The following SLC14A2 variants were observed in gnomAD, a reference collection of about 807,000 sequenced individuals.
SLC14A2 encodes solute carrier family 14 member 2, also known as urea transporter 2.
Under a neutral mutation model 104.6 loss-of-function variants are expected in SLC14A2, and 91 were observed. That is an observed-to-expected ratio of 0.87 (90% confidence interval 0.73 to 1.04). The LOEUF (loss-of-function observed/expected upper bound fraction) is 1.04, where lower values mean the gene tolerates loss of function less well. SLC14A2 is among the 50% of genes least tolerant of loss of function. The pLI, the probability that SLC14A2 is intolerant of heterozygous loss-of-function variation, is 0.00. For synonymous variants in SLC14A2, 476 were observed against 466.4 expected (o/e 1.02, Z -0.27); for missense variants, 1,189 against 1,156.0 (o/e 1.03, Z -0.41).
intron 1 of SLC14A2, among the ~76,000 whole-genome samples, chr18:45,432,621 C>G (rs1269976120): frequency 1.5e-4 from 23 of 152,150 alleles, no homozygotes; most frequent in Admixed American, 1.5e-3. Context: ...TCACACCCAG[C>G]CACTAATTTT....
chr18:45,270,608 A>G (rs1370180181), intron 1 of SLC14A2, among the ~76,000 whole-genome samples: 1 of 152,120 alleles, frequency 6.6e-6, no homozygotes, highest in Non-Finnish European at 1.5e-5. Flanking sequence ...TTCCTGCAAT[A>G]AGCTGTTAGC....
chr18:45,291,773 A>T (rs1006069233), intron 1 of SLC14A2, among the ~76,000 whole-genome samples: 50 of 150,394 alleles, frequency 3.3e-4, no homozygotes, highest in Middle Eastern at 3.4e-3. Flanking sequence ...CATAGGAGTC[A>T]CGGTGACGAA....
chr18:45,683,466 TAA>T lies in SLC14A2; in HGVS notation c.*949_*950del, dbSNP rs1402458242. 1 of 152,226 alleles carries T rather than the reference TAA, an allele frequency of 6.6e-6. No homozygotes were observed. Among genetic ancestry groups the T allele is most frequent in the South Asian group, 2.1e-4 (1 of 4,828 alleles). 9.4% of individuals were successfully genotyped at this position (152,226 alleles called of 1,614,324 possible). A position where few individuals can be genotyped will look rare whatever the true frequency, so the allele number is the denominator to read the frequency against. ...GAGGCAGGAAAATGTTAACGTTCTA[TAA>T]AGTTTTATTCTTGAGTCATAGGAAA... On this transcript the variant is annotated 3_prime_UTR_variant, in exon 20 of 20. Transcript: ENST00000255226.
rs1291564297 is a variant in SLC14A2 at position 45,400,671 on chromosome 18, AT to A, written c.-124-82560del. Among the ~76,000 whole-genome samples, 27 of 152,284 alleles carry A rather than the reference AT, an allele frequency of 1.8e-4. 1 individual carries two copies. Among genetic ancestry groups the A allele is most frequent in the Admixed American group, 1.8e-3 (27 of 15,288 alleles). On this transcript the variant is annotated intron_variant, in intron 1 of 20. Transcript: ENST00000586448. ...ATGTTTCTTGCCTGAGTTAATTATTATTATGATAGTTGCCAAATGATAATTT... is the reference window on the plus strand; with the variant it reads ...ATGTTTCTTGCCTGAGTTAATTATTATATGATAGTTGCCAAATGATAATTT...
intron 1 of SLC14A2, among the ~76,000 whole-genome samples, chr18:45,410,429 A>G (rs760266541): frequency 3.3e-5 from 5 of 152,180 alleles, no homozygotes; most frequent in Non-Finnish European, 7.3e-5. Flanking sequence ...GTTTAGTAGC[A>G]TTTACTACTA....
chr18:45,617,209 C>T (rs767373053), intron 1 of SLC14A2, among the ~76,000 whole-genome samples: 8 of 152,196 alleles, frequency 5.3e-5, no homozygotes, highest in Non-Finnish European at 1.0e-4. Flanking sequence ...CTCTCTCCCC[C>T]ACCTCATCTC....
chr18:45,457,131 T>C (rs1422464752), intron 1 of SLC14A2, among the ~76,000 whole-genome samples: 1 of 152,180 alleles, frequency 6.6e-6, no homozygotes, highest in Non-Finnish European at 1.5e-5. Flanking sequence ...ACAAAGCACA[T>C]TTTGCCTAGT....
chr18:45,590,144 G>C (rs924307450), intron 2 of SLC14A2, among the ~76,000 whole-genome samples: 1 of 152,204 alleles, frequency 6.6e-6, no homozygotes, highest in Non-Finnish European at 1.5e-5. Flanking sequence ...AGAGGCCAAA[G>C]GCAGAGAGAG....
At chr18:45,202,940 C>A in the SLC14A2 span, among the ~76,000 whole-genome samples, 2 of 152,096 alleles carry the variant, frequency 1.3e-5, no homozygotes, top group African/African-American at 4.8e-5. Context: ...AACCATATGG[C>A]AGAGGGGAGA....
rs189145736 is a variant in SLC14A2 at position 45,477,588 on chromosome 18, C to A, written c.-124-5645C>A. Among the ~76,000 whole-genome samples, 42 of 152,276 alleles carry A rather than the reference C, an allele frequency of 2.8e-4. 1 individual carries two copies. Among genetic ancestry groups the A allele is most frequent in the African/African-American group, 9.9e-4 (41 of 41,572 alleles). On this transcript the variant is annotated intron_variant, in intron 1 of 20. Transcript: ENST00000586448. Reference sequence around the variant, plus strand: ...TCTACTGAAGCTGCACCCACAGCCACCCCTTCCCCCAGGTGCTTTGTCCCA... The same window carrying A: ...TCTACTGAAGCTGCACCCACAGCCAACCCTTCCCCCAGGTGCTTTGTCCCA...
At chr18:45,260,791 T>A (rs1037418480) in intron 1 of SLC14A2, among the ~76,000 whole-genome samples, 9 of 152,066 alleles carry the variant, frequency 5.9e-5, no homozygotes, top group Non-Finnish European at 1.3e-4. Context: ...AAACATTGAA[T>A]ACACATGGTC....
At chr18:45,530,945 C>A (rs555993308) in intron 2 of SLC14A2, among the ~76,000 whole-genome samples, 49 of 151,862 alleles carry the variant, frequency 3.2e-4, no homozygotes, top group African/African-American at 1.2e-3. Context: ...TGAGAACATG[C>A]GGTGTTTGGT....
At chr18:45,589,162 G>A (rs1432098852) in intron 2 of SLC14A2, among the ~76,000 whole-genome samples, 1 of 152,114 alleles carries the variant, frequency 6.6e-6, no homozygotes, top group Non-Finnish European at 1.5e-5. Flanking sequence ...CAGGACTGTG[G>A]AGTTCTTCCC....
chr18:45,669,326 T>C lies in SLC14A2; in HGVS notation c.2057T>C (p.Leu686Pro), dbSNP rs2046087388. 1.2e-6 allele frequency: 2 copies of C among 1,613,536 alleles called. No homozygotes were observed. The highest frequency in any genetic ancestry group is 1.7e-6 in the Non-Finnish European group (2 of 1,179,630). Residue 686 changes from leucine (L) to proline (P), a missense_variant, in exon 16 of 20, where the codon CTG (leucine) becomes CCG (proline). Leu to Pro is a moderately conservative substitution (Grantham distance 98). Transcript: ENST00000255226. The stretch of plus-strand genomic sequence containing the variant: ...ATCAGCCCCATCCTCTCCAGTGCCC[T>C]GGGTACCATCTTCAGCAAGTGGGAC... ...SMSCPILSSA[L>P]GTIFSKWDLP...
chr18:45,366,277 A>G (rs1482567746), intron 1 of SLC14A2, among the ~76,000 whole-genome samples: 1 of 152,070 alleles, frequency 6.6e-6, no homozygotes, highest in East Asian at 1.9e-4. Flanking sequence ...TCAATCCCCA[A>G]CTTCACCCAG....
At chr18:45,622,244 A>G (rs1288775029) in intron 1 of SLC14A2, among the ~76,000 whole-genome samples, 1 of 152,220 alleles carries the variant, frequency 6.6e-6, no homozygotes, top group East Asian at 1.9e-4. Context: ...ACTGGTGACC[A>G]TGAACGTGAA....
At chr18:45,650,254 T>C (rs2045708681) in intron 10 of SLC14A2, among the ~76,000 whole-genome samples, 1 of 152,246 alleles carries the variant, frequency 6.6e-6, no homozygotes, top group African/African-American at 2.4e-5. Context: ...TTTTTTTAGT[T>C]TAAAAATCAT....
intron 1 of SLC14A2, among the ~76,000 whole-genome samples, chr18:45,310,127 G>A (rs2085064208): frequency 6.6e-6 from 1 of 152,044 alleles, no homozygotes; most frequent in Non-Finnish European, 1.5e-5. Flanking sequence ...GGACATTTAG[G>A]TTCTTTCTCA....
chr18:45,422,235 C>G lies in SLC14A2; in HGVS notation c.-124-60998C>G, dbSNP rs534062712. On this transcript the variant is annotated intron_variant, in intron 1 of 20. Transcript: ENST00000586448. ...ACTCTCAAGCAGGAAGAAGCTGGAT[C>G]CAAGGCCTGTTTGCAGCAGCTATTA... Among the ~76,000 whole-genome samples the G allele has an allele frequency of 9.1e-4, 139 of 152,204 alleles. 1 individual carries two copies. The highest frequency in any genetic ancestry group is 3.1e-3 in the African/African-American group (130 of 41,528).
Sources: allele counts gnomAD v4.1 joint callset (sites outside exome capture counted in the v4.1 genomes callset), GRCh38; gene constraint gnomAD v4.1.1; transcripts MANE v1.5; gene names NCBI Gene and HGNC (gene_info 2026-07-23, HGNC 2026-07-21).